The following SEMA3A variants were observed in gnomAD, a reference collection of about 807,000 sequenced individuals.
SEMA3A encodes the protein semaphorin 3A, also known as semaphorin-3A.
Under a neutral mutation model 97.9 loss-of-function variants are expected in SEMA3A, and 29 were observed. The ratio of observed to expected loss-of-function variants is 0.30; its 90% CI spans 0.22 to 0.40. SEMA3A has a LOEUF of 0.40. Among genes scored for constraint, SEMA3A ranks in the 10% least tolerant of loss-of-function variants. The pLI, the probability that SEMA3A is intolerant of heterozygous loss-of-function variation, is 1.00. For synonymous variants in SEMA3A, 321 were observed against 323.7 expected (o/e 0.99, Z 0.09); for missense variants, 763 against 951.3 (o/e 0.80, Z 2.60).
At chr7:83,985,605 T>C (rs983567797) in intron 12 of SEMA3A, 128 bp from the exon 13 acceptor site, 6 of 733,482 alleles carry the variant, frequency 8.2e-6, no homozygotes, top group Middle Eastern at 2.4e-4. Flanking sequence ...GCAATGTGAC[T>C]GGGAAATAAG....
chr7:84,230,144 T>C (rs184946499), intron 3 of SEMA3A, among the ~76,000 whole-genome samples: 6 of 152,098 alleles, frequency 3.9e-5, no homozygotes, highest in East Asian at 3.9e-4. Context: ...TTTTATGATA[T>C]GGCCTTTACT....
intron 1 of SEMA3A, among the ~76,000 whole-genome samples, chr7:84,417,395 T>C (rs1320200876): frequency 1.3e-5 from 2 of 152,050 alleles, no homozygotes; most frequent in African/African-American, 2.4e-5. Context: ...ATTTACATGA[T>C]AGAAGGCAGA....
At chr7:84,096,244 A>G (rs1441070991) in intron 4 of SEMA3A, among the ~76,000 whole-genome samples, 1 of 152,112 alleles carries the variant, frequency 6.6e-6, no homozygotes, top group African/African-American at 2.4e-5. Context: ...AGTAGCCAAG[A>G]GATTTAAAGA....
Position 84,029,810 on chromosome 7 carries a change from T to TACAC in SEMA3A, c.668-15463_668-15460dup, listed in dbSNP as rs34158057. On this transcript the variant is annotated intron_variant, in intron 6 of 16. Coordinates refer to ENST00000265362, the MANE Select transcript of SEMA3A (RefSeq NM_006080.3). Reference sequence around the variant, plus strand: ...CATTTGCACACACATCCCTTCCATATACACACACACACACACACACACACA... The same window carrying TACAC: ...CATTTGCACACACATCCCTTCCATATACACACACACACACACACACACACACACA... Among the ~76,000 whole-genome samples, 790 of 116,852 alleles carry TACAC rather than the reference T, an allele frequency of 6.8e-3. 4 individuals carry two copies. Among genetic ancestry groups the TACAC allele is most frequent in the East Asian group, 0.021 (101 of 4,868 alleles). 76.7% of individuals were successfully genotyped at this position (116,852 alleles called of 152,430 possible).
chr7:84,387,065 C>T (rs1418635837), intron 1 of SEMA3A, among the ~76,000 whole-genome samples: 1 of 151,824 alleles, frequency 6.6e-6, no homozygotes, highest in African/African-American at 2.4e-5. Context: ...TGATTTGGGG[C>T]CCAGAGAGGT....
chr7:84,403,113 G>C (rs1385221600), intron 1 of SEMA3A, among the ~76,000 whole-genome samples: 1 of 152,156 alleles, frequency 6.6e-6, no homozygotes, highest in Admixed American at 6.5e-5. Flanking sequence ...CCTCACCCGG[G>C]AAGCATGAGG....
chr7:84,308,204 AAATAGAAT>A (rs1315567374), intron 2 of SEMA3A, among the ~76,000 whole-genome samples: 1 of 152,130 alleles, frequency 6.6e-6, no homozygotes, highest in Non-Finnish European at 1.5e-5. Flanking sequence ...TATATTTAAA[AAATAGAAT>A]ATATTGTCCT....
intron 3 of SEMA3A, among the ~76,000 whole-genome samples, chr7:84,222,410 A>G (rs1017364539): frequency 2.0e-5 from 3 of 151,904 alleles, no homozygotes; most frequent in South Asian, 2.1e-4. Context: ...AATAAGGAGT[A>G]TAGGACAAGC....
chr7:84,258,186 A>T (rs1425640682), intron 3 of SEMA3A, among the ~76,000 whole-genome samples: 3 of 152,080 alleles, frequency 2.0e-5, no homozygotes, highest in African/African-American at 7.2e-5. Flanking sequence ...TCATTGACTT[A>T]GGGTGTTTCT....
intron 1 of SEMA3A, among the ~76,000 whole-genome samples, chr7:84,466,281 T>C: frequency 1.3e-5 from 2 of 152,082 alleles, no homozygotes; most frequent in East Asian, 3.9e-4. Flanking sequence ...CAAGCGATTC[T>C]CCTGCCTTAG....
At position 84,172,561 on chromosome 7, in the gene SEMA3A, A is replaced by G. The variant is rs561264929; in HGVS notation, c.112+21914T>C. Reference sequence around the variant, plus strand: ...CTCAGCCTCCCGAGTAGCTGGGACTACAGGCATCCGCCACCACGCCCGGCT... The same window carrying G: ...CTCAGCCTCCCGAGTAGCTGGGACTGCAGGCATCCGCCACCACGCCCGGCT... On this transcript the variant is annotated intron_variant, in intron 1 of 16. Transcript: ENST00000265362. 6.6e-5 allele frequency among the ~76,000 whole-genome samples: 10 copies of G among 152,184 alleles called. No homozygotes were observed. The East Asian group carries it at 1.9e-3, about 29-fold the overall frequency.
chr7:83,993,103 G>T (rs1321448782), intron 12 of SEMA3A, among the ~76,000 whole-genome samples: 1 of 143,020 alleles, frequency 7.0e-6, no homozygotes, highest in Non-Finnish European at 1.5e-5. Context: ...ATCTTTGTTG[G>T]TTTCAAGTCT....
chr7:84,313,356 G>GTGTGTGTATA (rs1247157469), intron 2 of SEMA3A, among the ~76,000 whole-genome samples: 1 of 23,062 alleles, frequency 4.3e-5, no homozygotes, highest in African/African-American at 1.2e-4. Context: ...ATGTGTGTGT[G>GTGTGTGTATA]TATATATATA....
chr7:84,491,459 T>C (rs1219773369), intron 1 of SEMA3A, among the ~76,000 whole-genome samples: 1 of 152,150 alleles, frequency 6.6e-6, no homozygotes, highest in Non-Finnish European at 1.5e-5. Flanking sequence ...CAGAAATCAT[T>C]AATAACTGGA....
intron 4 of SEMA3A, among the ~76,000 whole-genome samples, chr7:84,063,262 C>G (rs1349044629): frequency 6.6e-6 from 1 of 150,412 alleles, no homozygotes; most frequent in Non-Finnish European, 1.5e-5. Context: ...ACCAAAAACC[C>G]ATCTGTACAT....
intron 1 of SEMA3A, among the ~76,000 whole-genome samples, chr7:84,462,325 G>C (rs1464339195): frequency 6.6e-6 from 1 of 151,944 alleles, no homozygotes; most frequent in African/African-American, 2.4e-5. Flanking sequence ...TATAATCTAG[G>C]GGGCTGAAAT....
At chr7:84,297,403 C>A (rs1451833880) in intron 3 of SEMA3A, among the ~76,000 whole-genome samples, 1 of 152,094 alleles carries the variant, frequency 6.6e-6, no homozygotes, top group Non-Finnish European at 1.5e-5. Context: ...TTTGACTTCA[C>A]AATTTTAGAA....
At chr7:84,326,511 CT>C (rs1010823069) in intron 2 of SEMA3A, among the ~76,000 whole-genome samples, 61 of 151,670 alleles carry the variant, frequency 4.0e-4, no homozygotes, top group Non-Finnish European at 5.9e-5. Context: ...GTGAAATTTC[CT>C]TGTAAAAAAT....
At chr7:84,090,105 TA>T (rs1445247767) in intron 4 of SEMA3A, among the ~76,000 whole-genome samples, 2 of 152,078 alleles carry the variant, frequency 1.3e-5, no homozygotes, top group African/African-American at 2.4e-5. Context: ...AGTAACAAAA[TA>T]AGACAAAATA....
Sources: gnomAD v4.1 joint callset for allele counts (sites outside exome capture counted in the v4.1 genomes callset) on GRCh38, gnomAD v4.1.1 for gene constraint, MANE v1.5 for transcripts, NCBI Gene and HGNC (gene_info 2026-07-23, HGNC 2026-07-21) for gene names.